The following SLC18A1 variants were observed in gnomAD, a reference collection of about 807,000 sequenced individuals.
SLC18A1 encodes the protein solute carrier family 18 member A1.
A neutral mutation model predicts 53.7 loss-of-function variants in SLC18A1; 69 were observed. That is an observed-to-expected ratio of 1.28 (90% CI 1.06 to 1.57). The LOEUF is 1.57. Ranked by LOEUF, SLC18A1 falls within the 40% of genes most tolerant of loss-of-function variation. SLC18A1 has a pLI of 0.00. For synonymous variants in SLC18A1, 320 were observed against 248.1 expected, an observed-to-expected ratio of 1.29 and a Z score of -2.72; for missense variants, 932 against 668.1, an observed-to-expected ratio of 1.40 and a Z score of -4.35.
chr8:20,178,595 G>A, intron 3 of SLC18A1, 102 bp from the exon 4 acceptor site: 1 of 832,652 alleles, frequency 1.2e-6, no homozygotes, highest in South Asian at 1.7e-5. Context: ...CAGCTATTTG[G>A]GTGTATGGTA....
In SLC18A1 at chr8:20,172,247, G is replaced by A. The variant is rs77400224; in HGVS notation, c.725-753C>T. ...GCTTATTCATTTGGGACATGATAAA[G>A]GATTTCAAGATGCACAGGGTTTAGC... On this transcript the variant is annotated intron_variant, in intron 6 of 15. Transcript: ENST00000276373. 8.7e-3 allele frequency among the ~76,000 whole-genome samples: 1,327 copies of A among 152,304 alleles called. 14 individuals carry two copies. The highest frequency in any genetic ancestry group is 0.03 in the African/African-American group (1,248 of 41,560).
Position 20,174,546 on chromosome 8 carries a change from G to A in SLC18A1, c.548-102C>T, listed in dbSNP as rs533863200. ...TGATACTGCAGATATGAGTCTTGATGCATATGTTTTTAATAAAGCATGATG... is the reference window on the plus strand; with the variant it reads ...TGATACTGCAGATATGAGTCTTGATACATATGTTTTTAATAAAGCATGATG... On this transcript the variant is annotated intron_variant, in intron 4 of 15. Coordinates refer to ENST00000276373, the MANE Select transcript of SLC18A1 (RefSeq NM_003053.4). 19 of 735,216 alleles carry A rather than the reference G, an allele frequency of 2.6e-5. No homozygotes were observed. In the African/African-American group the frequency reaches 3.1e-4, roughly 12 times the overall value. 45.5% of individuals were successfully genotyped at this position (735,216 alleles called of 1,614,324 possible).
At chr8:20,166,654 G>A (rs2071975106) in intron 8 of SLC18A1, among the ~76,000 whole-genome samples, 2 of 151,516 alleles carry the variant, frequency 1.3e-5, no homozygotes, top group South Asian at 4.2e-4. Context: ...CTTTTAGGTG[G>A]TAATGTCCTA....
chr8:20,167,001 G>A (rs915260726), intron 8 of SLC18A1, among the ~76,000 whole-genome samples: 3 of 152,100 alleles, frequency 2.0e-5, no homozygotes, highest in African/African-American at 4.8e-5. Context: ...GACCATGGAC[G>A]TTCAGCCTCC....
rs147588762 is a variant in SLC18A1 at position 20,171,120 on chromosome 8, A to T, written c.841T>A (p.Ser281Thr). 6.2e-7 allele frequency: 1 copy of T among 1,614,070 alleles called. No homozygotes were observed. Among genetic ancestry groups the T allele is most frequent in the Admixed American group, 1.7e-5 (1 of 60,000 alleles). Residue 281 changes from serine to threonine, a missense_variant, in exon 8 of 16, where the codon TCC becomes ACC. Physicochemically the swap from Ser to Thr is moderately conservative, Grantham distance 58. Transcript: ENST00000276373. ...GALQLCILQP[S>T]KVSPESAKGT... Reference sequence around the variant, plus strand: ...CTGCTTACCTCAGGAGAGACTTTGGAAGGCTGTAGGATGCAAAGCTGGAGT... The same window carrying T: ...CTGCTTACCTCAGGAGAGACTTTGGTAGGCTGTAGGATGCAAAGCTGGAGT...
At chr8:20,155,656 C>T (rs940630875) in intron 10 of SLC18A1, among the ~76,000 whole-genome samples, 1 of 152,182 alleles carries the variant, frequency 6.6e-6, no homozygotes, top group Non-Finnish European at 1.5e-5. Context: ...GAAAGTGTAG[C>T]CCCAGAATTC....
intron 5 of SLC18A1, among the ~76,000 whole-genome samples, chr8:20,173,904 T>C (rs1361127307): frequency 6.6e-6 from 1 of 151,208 alleles, no homozygotes; most frequent in Non-Finnish European, 1.5e-5. Context: ...TCTTTTTTTT[T>C]TTTTTTTTTT....
Position 20,161,233 on chromosome 8 carries a change from T to C in SLC18A1, c.1015+3636A>G, listed in dbSNP as rs77298169. On this transcript the variant is annotated intron_variant, in intron 10 of 15. Coordinates refer to ENST00000276373, the MANE Select transcript of SLC18A1 (RefSeq NM_003053.4). ...GTGAGATTCAAGGTACGATTAATCC[T>C]GAGGCAAATTCCCTCCAGCTGTGAG... 5.2e-3 allele frequency among the ~76,000 whole-genome samples: 786 copies of C among 152,342 alleles called. 11 individuals carry two copies. Among genetic ancestry groups the C allele is most frequent in the African/African-American group, 0.017 (726 of 41,578 alleles).
intron 8 of SLC18A1, among the ~76,000 whole-genome samples, chr8:20,168,355 A>T (rs2072025493): frequency 6.6e-6 from 1 of 151,952 alleles, no homozygotes; most frequent in Non-Finnish European, 1.5e-5. Context: ...TCACAGAAAG[A>T]GGCCCTGTCT....
chr8:20,151,891 A>G (rs1301980543), intron 10 of SLC18A1, among the ~76,000 whole-genome samples: 1 of 152,174 alleles, frequency 6.6e-6, no homozygotes, highest in East Asian at 1.9e-4. Flanking sequence ...AGACAAACAA[A>G]ATTCTAGCCC....
chr8:20,149,179 G>A (rs1295855378), intron 12 of SLC18A1, among the ~76,000 whole-genome samples: 2 of 152,142 alleles, frequency 1.3e-5, no homozygotes, highest in East Asian at 3.8e-4. Context: ...GGGATTCTTG[G>A]AAATGGAAAA....
intron 10 of SLC18A1, among the ~76,000 whole-genome samples, chr8:20,156,227 A>C (rs1401175747): frequency 3.3e-5 from 5 of 151,294 alleles, no homozygotes; most frequent in African/African-American, 4.9e-5. Flanking sequence ...CATTGTGAGC[A>C]CACCTCACCA....
chr8:20,157,656 G>C (rs1563736581), intron 10 of SLC18A1, among the ~76,000 whole-genome samples: 1 of 152,154 alleles, frequency 6.6e-6, no homozygotes, highest in Admixed American at 6.5e-5. Flanking sequence ...AATCTTAAAA[G>C]ATAAGTTTAT....
intron 10 of SLC18A1, among the ~76,000 whole-genome samples, chr8:20,163,632 C>A (rs1056229223): frequency 3.9e-5 from 6 of 152,256 alleles, no homozygotes; most frequent in Middle Eastern, 3.4e-3. Context: ...CACTGACCAG[C>A]TATATTAGCA....
chr8:20,162,997 T>G (rs2128873545), intron 10 of SLC18A1, among the ~76,000 whole-genome samples: 1 of 152,348 alleles, frequency 6.6e-6, no homozygotes, highest in East Asian at 1.9e-4. Flanking sequence ...TCTTAGTCCA[T>G]TTTCTGCTGC....
Position 20,147,161 on chromosome 8 carries a change from T to C in SLC18A1, c.1464+97A>G, listed in dbSNP as rs1016252557. The C allele has an allele frequency of 7.6e-6, 10 of 1,307,668 alleles. No homozygotes were observed. The South Asian group carries it at 1.3e-4, about 17-fold the overall frequency. The allele number at this position is 1,307,668 out of a possible 1,614,324, so 81.0% of individuals were successfully genotyped here. A position where few individuals can be genotyped will look rare whatever the true frequency, so the allele number is the denominator to read the frequency against. On this transcript the variant is annotated intron_variant, in intron 15 of 15. Transcript: ENST00000276373. ...AGCAGAGAGAGTATCAACAGAGCAA[T>C]AGAGGGAGGAAATAACAGCCCAGGA...
rs771063969 is a variant in SLC18A1 at position 20,150,670 on chromosome 8, C to A, written c.1090G>T (p.Gly364Cys). Residue 364 changes from glycine to cysteine, a missense_variant, in exon 11 of 16, where the codon GGT (glycine) becomes TGT (cysteine). Gly to Cys is a radical substitution (Grantham distance 159). Transcript: ENST00000276373. The stretch of plus-strand genomic sequence containing the variant: ...CCAGATCCCGAGGCTACATACCGAC[C>A]CATCTTGTTGGCCAACACACCAAAG... ...NLFGVLANKM[G>C]RWLCSLIGML... 2.5e-6 allele frequency: 4 copies of A among 1,613,878 alleles called. No homozygotes were observed. The highest frequency in any genetic ancestry group is 3.4e-6 in the Non-Finnish European group (4 of 1,179,890).
At chr8:20,159,231 G>A (rs185769254) in intron 10 of SLC18A1, among the ~76,000 whole-genome samples, 9 of 152,174 alleles carry the variant, frequency 5.9e-5, no homozygotes, top group East Asian at 1.9e-4. Flanking sequence ...GCCCCAGTTC[G>A]GCAGGAAGCA....
chr8:20,161,993 T>C (rs772568530), intron 10 of SLC18A1, among the ~76,000 whole-genome samples: 1 of 152,200 alleles, frequency 6.6e-6, no homozygotes, highest in African/African-American at 2.4e-5. Context: ...CATGCACCCA[T>C]AGCTCTTGCA....
Sources: gnomAD v4.1 joint callset for allele counts (sites outside exome capture counted in the v4.1 genomes callset) on GRCh38, gnomAD v4.1.1 for gene constraint, MANE v1.5 for transcripts, NCBI Gene and HGNC (gene_info 2026-07-23, HGNC 2026-07-21) for gene names.